PTPRT: variants seen among roughly 807,000 people sequenced by gnomAD.
PTPRT encodes protein tyrosine phosphatase receptor type T, also known as receptor-type tyrosine-protein phosphatase T.
PTPRT carries 56 observed loss-of-function variants against 176.8 expected under a neutral mutation model. That is an observed-to-expected ratio of 0.32 (90% confidence interval 0.26 to 0.40). The LOEUF is 0.40. Among genes scored for constraint, PTPRT ranks in the 10% least tolerant of loss-of-function variants. The probability of loss-of-function intolerance (pLI) is 1.00; values close to 1 mark genes in which losing one functional copy is unlikely to be tolerated. For synonymous variants in PTPRT, 783 were observed against 739.0 expected (o/e 1.06, Z -0.96); for missense variants, 1,540 against 1,908.2 (o/e 0.81, Z 3.60).
intron 6 of PTPRT, among the ~76,000 whole-genome samples, chr20:42,702,610 C>T (rs2075990741): frequency 1.3e-5 from 2 of 152,146 alleles, no homozygotes; most frequent in African/African-American, 4.8e-5. Context: ...GTCCAGCACC[C>T]CTGGGAGGGC....
intron 2 of PTPRT, among the ~76,000 whole-genome samples, chr20:42,878,990 C>T (rs1051191375): frequency 3.9e-5 from 6 of 152,102 alleles, no homozygotes; most frequent in African/African-American, 1.4e-4. Flanking sequence ...GATCGTGCTA[C>T]AGCACTCCAG....
intron 9 of PTPRT, among the ~76,000 whole-genome samples, chr20:42,408,314 A>C (rs949780876): frequency 4.6e-5 from 7 of 152,172 alleles, no homozygotes; most frequent in Non-Finnish European, 1.0e-4. Context: ...CAGAAATACC[A>C]GAAGAGATTC....
intron 1 of PTPRT, among the ~76,000 whole-genome samples, chr20:43,003,187 T>C (rs970725423): frequency 1.3e-5 from 2 of 152,144 alleles, no homozygotes; most frequent in Admixed American, 1.3e-4. Context: ...ATTTGCTTAA[T>C]TTTATTGATT....
chr20:42,726,813 A>G (rs2076388014), intron 6 of PTPRT, among the ~76,000 whole-genome samples: 1 of 152,188 alleles, frequency 6.6e-6, no homozygotes, highest in African/African-American at 2.4e-5. Context: ...AGCAGATGCT[A>G]TCACTATACT....
intron 2 of PTPRT, among the ~76,000 whole-genome samples, chr20:42,883,845 TA>T (rs2079058738): frequency 8.4e-4 from 4 of 4,742 alleles, no homozygotes; most frequent in Non-Finnish European, 1.2e-3. Flanking sequence ...CCCATACACA[TA>T]GACACACACC....
At chr20:43,031,404 G>C (rs1279873120) in intron 1 of PTPRT, among the ~76,000 whole-genome samples, 1 of 152,194 alleles carries the variant, frequency 6.6e-6, no homozygotes, top group Non-Finnish European at 1.5e-5. Flanking sequence ...TTGAGGCAGA[G>C]AGCAAGCCCT....
At chr20:42,164,219 C>T (rs944245214) in intron 16 of PTPRT, among the ~76,000 whole-genome samples, 1 of 152,204 alleles carries the variant, frequency 6.6e-6, no homozygotes, top group African/African-American at 2.4e-5. Context: ...GCATGGGCTG[C>T]ATGGGAGACC....
At chr20:43,156,281 A>G (rs1179543077) in intron 1 of PTPRT, among the ~76,000 whole-genome samples, 2 of 152,228 alleles carry the variant, frequency 1.3e-5, no homozygotes, top group Non-Finnish European at 2.9e-5. Context: ...CCTCAGAATT[A>G]GGAGCTACAG....
chr20:43,108,652 C>A (rs2012721000), intron 1 of PTPRT, among the ~76,000 whole-genome samples: 1 of 151,966 alleles, frequency 6.6e-6, no homozygotes, highest in Admixed American at 6.6e-5. Flanking sequence ...CTTATAAGGA[C>A]CTCTTCAAAA....
At chr20:42,818,424 A>C (rs2145645251) in intron 2 of PTPRT, among the ~76,000 whole-genome samples, 1 of 152,316 alleles carries the variant, frequency 6.6e-6, no homozygotes. Context: ...AAACTCACGA[A>C]TATGAGAAAG....
chr20:42,377,802 A>C (rs1425673206), intron 9 of PTPRT, among the ~76,000 whole-genome samples: 1 of 152,220 alleles, frequency 6.6e-6, no homozygotes, highest in South Asian at 2.1e-4. Flanking sequence ...GAGGACAGAA[A>C]AGAAAAGTGA....
intron 18 of PTPRT, among the ~76,000 whole-genome samples, chr20:42,130,072 G>T (rs939086157): frequency 1.3e-5 from 2 of 152,198 alleles, no homozygotes; most frequent in African/African-American, 4.8e-5. Context: ...GTGAATGGTA[G>T]AGCACAGAGG....
At chr20:43,003,735 C>A (rs1047743042) in intron 1 of PTPRT, among the ~76,000 whole-genome samples, 2 of 152,192 alleles carry the variant, frequency 1.3e-5, no homozygotes, top group African/African-American at 4.8e-5. Context: ...CACTCTGGAC[C>A]TACTGAATCA....
rs1484130991 is a variant in PTPRT, at chr20:42,615,286, A to G, written c.1153+62580T>C. 4.4e-5 allele frequency among the ~76,000 whole-genome samples: 6 copies of G among 136,926 alleles called. No individual in the cohort carries two copies. In the East Asian group the frequency reaches 1.2e-3, roughly 27 times the overall value. The allele number at this position is 136,926 out of a possible 152,430, so 89.8% of individuals were successfully genotyped here. ...CGAACTCATCATTTTTTATGGCTGC[A>G]TAGTATTCCATGGTGTATATGTGCC... On this transcript the variant is annotated intron_variant, in intron 7 of 30. Coordinates refer to ENST00000373187, the MANE Select transcript of PTPRT (RefSeq NM_007050.6).
At chr20:42,749,769 T>A (rs565928252) in intron 6 of PTPRT, among the ~76,000 whole-genome samples, 1 of 152,238 alleles carries the variant, frequency 6.6e-6, no homozygotes, top group African/African-American at 2.4e-5. Flanking sequence ...TAAACCTTTA[T>A]TAAGCAAATG....
chr20:42,638,357 C>A (rs1246537279), intron 7 of PTPRT, among the ~76,000 whole-genome samples: 1 of 151,936 alleles, frequency 6.6e-6, no homozygotes, highest in East Asian at 1.9e-4. Flanking sequence ...CCTGAGCGGT[C>A]GAAACATAAA....
At position 42,152,611 on chromosome 20, in the gene PTPRT, A is replaced by C. The variant is rs1168956052; in HGVS notation, c.2682+8741T>G. 2.6e-5 allele frequency among the ~76,000 whole-genome samples: 4 copies of C among 152,188 alleles called. No homozygotes were observed. In the East Asian group the frequency reaches 7.7e-4, roughly 29 times the overall value. Reference sequence around the variant, plus strand: ...CAAGAAGTCTATAGCTTAATGGGAAATCTCACGCGAGGGTACCTCTATTCC... The same window carrying C: ...CAAGAAGTCTATAGCTTAATGGGAACTCTCACGCGAGGGTACCTCTATTCC... On this transcript the variant is annotated intron_variant, in intron 17 of 30. Transcript: ENST00000373187.
chr20:42,100,132 T>TCCAGGGCCCGACATGGTGC (rs1470635755), intron 26 of PTPRT, among the ~76,000 whole-genome samples: 4 of 152,216 alleles, frequency 2.6e-5, no homozygotes, highest in Non-Finnish European at 4.4e-5. Flanking sequence ...ACAGTGCAAG[T>TCCAGGGCCCGACATGGTGC]CCAGGGCCCG....
chr20:43,000,058 G>A (rs919802966), intron 1 of PTPRT, among the ~76,000 whole-genome samples: 26 of 118,386 alleles, frequency 2.2e-4, no homozygotes, highest in Non-Finnish European at 4.5e-4. Context: ...AGGGAAGAAG[G>A]GAAGGAGGGA....
Sources: allele counts gnomAD v4.1 joint callset (sites outside exome capture counted in the v4.1 genomes callset), GRCh38; gene constraint gnomAD v4.1.1; transcripts MANE v1.5; gene names NCBI Gene and HGNC (gene_info 2026-07-23, HGNC 2026-07-21).